GRM8: variants seen among roughly 807,000 people sequenced by gnomAD.
The protein encoded by GRM8 is metabotropic glutamate receptor 8.
Under a neutral mutation model 87.2 loss-of-function variants are expected in GRM8, and 47 were observed. The ratio of observed to expected loss-of-function variants is 0.54; its 90% confidence interval spans 0.43 to 0.69. GRM8 has a LOEUF of 0.69. Ranked by LOEUF, GRM8 falls within the 30% of genes least tolerant of loss-of-function variation. The pLI is 0.00. For missense variants in GRM8, 1,019 were observed against 1,139.2 expected (o/e 0.89, Z 1.52); for synonymous variants, 396 against 404.5 (o/e 0.98, Z 0.25).
intron 5 of GRM8, 65 bp from the exon 6 acceptor site, chr7:126,902,744 G>A (rs13309429): frequency 7.3e-5 from 84 of 1,156,468 alleles, no homozygotes; most frequent in South Asian, 4.7e-4. Flanking sequence ...CAGAACTTTC[G>A]AATGGACATT....
At chr7:126,820,391 A>G (rs1247937701) in intron 6 of GRM8, among the ~76,000 whole-genome samples, 4 of 152,206 alleles carry the variant, frequency 2.6e-5, no homozygotes, top group Non-Finnish European at 5.9e-5. Flanking sequence ...AATTGAAACA[A>G]TATACTGACT....
At chr7:126,784,072 T>TA (rs1820374227) in intron 6 of GRM8, among the ~76,000 whole-genome samples, 1 of 152,308 alleles carries the variant, frequency 6.6e-6, no homozygotes, top group South Asian at 2.1e-4. Flanking sequence ...ACATTACATA[T>TA]AAGCTAATTA....
rs78806481 is a variant in GRM8, at chr7:126,754,074, A to T, written c.1357+15791T>A. ...CAGTTTTTTTTCCTAATTCAAACCAAACATTAGAAATGGATAGGCTAATCA... is the reference window on the plus strand; with the variant it reads ...CAGTTTTTTTTCCTAATTCAAACCATACATTAGAAATGGATAGGCTAATCA... On this transcript the variant is annotated intron_variant, in intron 7 of 10. Coordinates refer to ENST00000339582, the MANE Select transcript of GRM8 (RefSeq NM_000845.3). Among the ~76,000 whole-genome samples the T allele has an allele frequency of 3.8e-3, 570 of 151,998 alleles. 5 individuals are homozygous for T. Among genetic ancestry groups the T allele is most frequent in the African/African-American group, 0.013 (545 of 41,540 alleles).
chr7:126,466,009 C>A (rs1804459776), intron 9 of GRM8, among the ~76,000 whole-genome samples: 1 of 151,824 alleles, frequency 6.6e-6, no homozygotes, highest in Admixed American at 6.6e-5. Flanking sequence ...GCTAATAATG[C>A]ATTTTAAGTT....
At chr7:127,002,400 C>T (rs1394005858) in intron 3 of GRM8, among the ~76,000 whole-genome samples, 1 of 151,576 alleles carries the variant, frequency 6.6e-6, no homozygotes, top group South Asian at 2.1e-4. Context: ...ATTTCTTCCT[C>T]CTACCCAGCT....
intron 3 of GRM8, among the ~76,000 whole-genome samples, chr7:127,007,985 C>G (rs1472450733): frequency 3.3e-5 from 5 of 151,820 alleles, no homozygotes; most frequent in Admixed American, 2.6e-4. Flanking sequence ...TAATAGGCAC[C>G]CAGATCCTGA....
chr7:127,091,859 AC>A (rs1365419020), intron 3 of GRM8, among the ~76,000 whole-genome samples: 1 of 16,162 alleles, frequency 6.2e-5, no homozygotes, highest in East Asian at 1.9e-3. Context: ...CCCGCCAATG[AC>A]CCCCCCGCCG....
At chr7:126,552,657 T>C (rs570543429) in intron 8 of GRM8, among the ~76,000 whole-genome samples, 3 of 152,256 alleles carry the variant, frequency 2.0e-5, no homozygotes, top group Non-Finnish European at 4.4e-5. Flanking sequence ...GTATTTACTA[T>C]GTGTTATTTG....
intron 7 of GRM8, among the ~76,000 whole-genome samples, chr7:126,612,921 A>G (rs1799064794): frequency 6.6e-6 from 1 of 152,248 alleles, no homozygotes; most frequent in African/African-American, 2.4e-5. Flanking sequence ...TTAATGTGAC[A>G]TTAGAAACCA....
chr7:127,089,524 T>C (rs1823850121), intron 3 of GRM8, among the ~76,000 whole-genome samples: 1 of 152,210 alleles, frequency 6.6e-6, no homozygotes, highest in Non-Finnish European at 1.5e-5. Flanking sequence ...GGGCAAAACC[T>C]AAGCATATAG....
chr7:126,763,191 A>C (rs983386258), intron 7 of GRM8, among the ~76,000 whole-genome samples: 4 of 151,516 alleles, frequency 2.6e-5, no homozygotes, highest in African/African-American at 7.3e-5. Flanking sequence ...TTTTTAAAGA[A>C]TCAAACATGG....
At chr7:126,657,680 G>A (rs1378331348) in intron 7 of GRM8, among the ~76,000 whole-genome samples, 1 of 152,214 alleles carries the variant, frequency 6.6e-6, no homozygotes, top group Non-Finnish European at 1.5e-5. Flanking sequence ...CAGGTCAAAA[G>A]TATAAATTCA....
chr7:126,552,205 T>C (rs1792666885), intron 8 of GRM8, among the ~76,000 whole-genome samples: 1 of 152,138 alleles, frequency 6.6e-6, no homozygotes, highest in Non-Finnish European at 1.5e-5. Context: ...TCATGCAATT[T>C]TGTTGGTATC....
intron 6 of GRM8, among the ~76,000 whole-genome samples, chr7:126,832,882 C>A (rs183758466): frequency 2.0e-5 from 3 of 152,284 alleles, no homozygotes; most frequent in Admixed American, 1.3e-4. Flanking sequence ...ACATTTACTG[C>A]CATTTGTTAA....
intron 7 of GRM8, among the ~76,000 whole-genome samples, chr7:126,659,399 T>C (rs1804902636): frequency 6.6e-6 from 1 of 152,204 alleles, no homozygotes; most frequent in South Asian, 2.1e-4. Context: ...GCTTTAGATT[T>C]GAGTGTTTAC....
chr7:127,029,067 T>G (rs1016060983), intron 3 of GRM8, among the ~76,000 whole-genome samples: 1 of 152,204 alleles, frequency 6.6e-6, no homozygotes, highest in African/African-American at 2.4e-5. Context: ...AAGAACATCT[T>G]TATTTCTGTC....
intron 3 of GRM8, among the ~76,000 whole-genome samples, chr7:127,066,742 T>C (rs556722133): frequency 1.3e-5 from 2 of 152,304 alleles, no homozygotes; most frequent in Admixed American, 6.5e-5. Flanking sequence ...TTATTCCTCC[T>C]AGCTAGCTGT....
chr7:126,623,474 G>T (rs950635276), intron 7 of GRM8, among the ~76,000 whole-genome samples: 1 of 152,044 alleles, frequency 6.6e-6, no homozygotes, highest in Non-Finnish European at 1.5e-5. Flanking sequence ...ATTCAGATTA[G>T]CCCTGTTTCA....
chr7:126,672,611 G>C (rs1806498262), intron 7 of GRM8, among the ~76,000 whole-genome samples: 1 of 152,162 alleles, frequency 6.6e-6, no homozygotes, highest in Non-Finnish European at 1.5e-5. Flanking sequence ...TCAGGATCAA[G>C]CTCAGCGGGA....
Sources: allele counts gnomAD v4.1 joint callset (sites outside exome capture counted in the v4.1 genomes callset), GRCh38; gene constraint gnomAD v4.1.1; transcripts MANE v1.5; gene names NCBI Gene and HGNC (gene_info 2026-07-23, HGNC 2026-07-21).